The following TULP3 variants were observed in gnomAD, a reference collection of about 807,000 sequenced individuals.
TULP3 encodes the protein tubby-related protein 3.
Under a neutral mutation model 50.7 loss-of-function variants are expected in TULP3, and 38 were observed. That is an observed-to-expected ratio of 0.75 (90% confidence interval 0.58 to 0.98). The LOEUF is 0.98. Among genes scored for constraint, TULP3 ranks in the 50% least tolerant of loss-of-function variants. The probability of loss-of-function intolerance (pLI) is 0.00; values close to 1 mark genes in which losing one functional copy is unlikely to be tolerated. For missense variants in TULP3, 550 were observed against 568.0 expected (o/e 0.97, Z 0.32); for synonymous variants, 183 against 196.6 (o/e 0.93, Z 0.58).
intron 1 of TULP3, among the ~76,000 whole-genome samples, chr12:2,908,622 A>G (rs1229234184): frequency 6.6e-6 from 1 of 151,978 alleles, no homozygotes; most frequent in South Asian, 2.1e-4. Context: ...CGGTTTCACT[A>G]TGTTGGACAG....
intron 1 of TULP3, among the ~76,000 whole-genome samples, chr12:2,907,715 G>A (rs1454019148): frequency 1.7e-5 from 2 of 118,066 alleles, no homozygotes; most frequent in African/African-American, 7.4e-5. Context: ...CTCTAGTTTT[G>A]TTTTTGTTTT....
chr12:2,915,022 C>T (rs957603931), intron 2 of TULP3, among the ~76,000 whole-genome samples: 3 of 135,644 alleles, frequency 2.2e-5, no homozygotes, highest in South Asian at 2.4e-4. Flanking sequence ...AGAGTGTAGC[C>T]CTGTTGCCCA....
At position 2,932,046 on chromosome 12, in the gene TULP3, C is replaced by T. The variant is rs147121966; in HGVS notation, c.696+806C>T. Among the ~76,000 whole-genome samples the T allele has an allele frequency of 4.7e-3, 722 of 152,298 alleles. 7 individuals are homozygous for T. Among genetic ancestry groups the T allele is most frequent in the Middle Eastern group, 0.017 (5 of 294 alleles). Reference sequence around the variant, plus strand: ...TTCCTGCTTAGCCACTGCCACTCTCCTGCTTCCCTATTATGGTCCTAGTCT... The same window carrying T: ...TTCCTGCTTAGCCACTGCCACTCTCTTGCTTCCCTATTATGGTCCTAGTCT... On this transcript the variant is annotated intron_variant, in intron 6 of 10. Coordinates refer to ENST00000448120, the MANE Select transcript of TULP3 (RefSeq NM_003324.5).
intron 10 of TULP3, among the ~76,000 whole-genome samples, chr12:2,938,689 T>C (rs902115939): frequency 6.6e-6 from 1 of 151,438 alleles, no homozygotes; most frequent in Non-Finnish European, 1.5e-5. Flanking sequence ...GAGGCTGAGG[T>C]GGGAGCATCA....
rs200191197 is a variant in TULP3, at chr12:2,931,085, C to G, written c.541C>G (p.Leu181Val). The change falls in exon 6 of 11, where the codon CTC becomes GTC. Residue 181 changes from leucine to valine, a missense_variant. Leu to Val is a conservative substitution (Grantham distance 32). Transcript: ENST00000448120. ...TACTGCCGCCCAACCAGCTGATAAC[C>G]TCCTGGGAGACATAGACGACCTGGA... is the stretch of plus-strand genomic sequence containing the variant. ...SATAAQPADN[L>V]LGDIDDLEDF... 1 of 1,614,122 alleles carries G rather than the reference C, an allele frequency of 6.2e-7. No individual in the cohort carries two copies.
chr12:2,917,358 G>A (rs376938905), intron 2 of TULP3, among the ~76,000 whole-genome samples: 4 of 152,026 alleles, frequency 2.6e-5, no homozygotes, highest in Non-Finnish European at 2.9e-5. Flanking sequence ...TGTAATCCCC[G>A]CTACTCGGGA....
intron 2 of TULP3, among the ~76,000 whole-genome samples, chr12:2,916,459 G>C (rs1023829611): frequency 2.0e-5 from 3 of 152,088 alleles, no homozygotes; most frequent in Non-Finnish European, 4.4e-5. Flanking sequence ...TTCTTTTACA[G>C]TTCAATTCCC....
chr12:2,899,937 G>A (rs2098178106), intron 1 of TULP3, among the ~76,000 whole-genome samples: 1 of 150,452 alleles, frequency 6.6e-6, no homozygotes, highest in Non-Finnish European at 1.5e-5. Context: ...ACTTGGAGAC[G>A]GCTGTGGTGG....
At chr12:2,922,901 T>C (rs1466865562) in intron 4 of TULP3, among the ~76,000 whole-genome samples, 1 of 151,386 alleles carries the variant, frequency 6.6e-6, no homozygotes, top group African/African-American at 2.4e-5. Flanking sequence ...TCGCGCTGGC[T>C]GGAGTGCAGT....
intron 8 of TULP3, among the ~76,000 whole-genome samples, chr12:2,935,269 G>A (rs114042695): frequency 0.014 from 2,186 of 152,270 alleles, 50 homozygotes; most frequent in African/African-American, 0.049. Context: ...TCCTTGGAGA[G>A]GCTTCCCTTT....
chr12:2,911,523 A>ATT (rs888363727), intron 2 of TULP3, among the ~76,000 whole-genome samples: 10 of 84,638 alleles, frequency 1.2e-4, no homozygotes, highest in African/African-American at 3.8e-4. Context: ...AGGCTAATTT[A>ATT]TTTTTTATTT....
At chr12:2,933,556 C>G (rs763275585) in intron 7 of TULP3, 26 bp downstream of exon 7, 2 of 1,417,460 alleles carry the variant, frequency 1.4e-6, no homozygotes, top group South Asian at 2.3e-5. Context: ...GATCACTGTC[C>G]TATTCTTTCT....
At chr12:2,896,795 A>G (rs376891527) in intron 1 of TULP3, among the ~76,000 whole-genome samples, 92 of 152,316 alleles carry the variant, frequency 6.0e-4, no homozygotes, top group Middle Eastern at 6.8e-3. Flanking sequence ...CATTTAGAGC[A>G]TCTATGAGTT....
chr12:2,928,668 C>A (rs1000928223), intron 4 of TULP3, among the ~76,000 whole-genome samples: 2 of 152,004 alleles, frequency 1.3e-5, no homozygotes, highest in African/African-American at 4.8e-5. Context: ...GTTGGCCTGG[C>A]ATGTTGGCTC....
At chr12:2,904,451 C>T (rs1052262750) in intron 1 of TULP3, among the ~76,000 whole-genome samples, 1 of 152,218 alleles carries the variant, frequency 6.6e-6, no homozygotes, top group Non-Finnish European at 1.5e-5. Flanking sequence ...ACTCCTCCTA[C>T]CTCAGCCTCC....
At chr12:2,911,331 T>C (rs2098185337) in intron 2 of TULP3, among the ~76,000 whole-genome samples, 1 of 151,990 alleles carries the variant, frequency 6.6e-6, no homozygotes. Flanking sequence ...TGACTTTTAA[T>C]ATATCTTCCA....
At chr12:2,911,378 A>G (rs2153948906) in intron 2 of TULP3, among the ~76,000 whole-genome samples, 1 of 150,222 alleles carries the variant, frequency 6.7e-6, no homozygotes, top group African/African-American at 2.4e-5. Context: ...TTTGAGACGG[A>G]GTCTCACTCT....
intron 2 of TULP3, among the ~76,000 whole-genome samples, chr12:2,909,869 A>G (rs1236047967): frequency 6.6e-6 from 1 of 152,220 alleles, no homozygotes; most frequent in Non-Finnish European, 1.5e-5. Flanking sequence ...GAGTGTTAAC[A>G]TTGTATTTCT....
intron 5 of TULP3, among the ~76,000 whole-genome samples, 165 bp downstream of exon 5, chr12:2,930,510 G>A (rs1228684836): frequency 1.3e-5 from 2 of 152,024 alleles, no homozygotes; most frequent in East Asian, 1.9e-4. Context: ...TGCAAACTCC[G>A]CCTCCCGGGT....
Sources: gnomAD v4.1 joint callset for allele counts (sites outside exome capture counted in the v4.1 genomes callset) on GRCh38, gnomAD v4.1.1 for gene constraint, MANE v1.5 for transcripts, NCBI Gene and HGNC (gene_info 2026-07-23, HGNC 2026-07-21) for gene names.